Variants in SORBS2 observed in about 807,000 individuals in gnomAD.
SORBS2 encodes the protein sorbin and SH3 domain-containing protein 2.
A neutral mutation model predicts 97.7 loss-of-function variants in SORBS2; 46 were observed. The observed-to-expected ratio is 0.47, with a 90% CI of 0.37 to 0.60. SORBS2 has a LOEUF of 0.60. Ranked by LOEUF, SORBS2 falls within the 20% of genes least tolerant of loss-of-function variation. The probability of loss-of-function intolerance (pLI) is 0.00; values close to 1 mark genes in which losing one functional copy is unlikely to be tolerated. For missense variants in SORBS2, 1,316 were observed against 1,282.3 expected (o/e 1.03, Z -0.40); for synonymous variants, 476 against 473.4 (o/e 1.01, Z -0.07).
intron 4 of SORBS2, among the ~76,000 whole-genome samples, chr4:185,642,002 C>A (rs892219687): frequency 3.9e-5 from 6 of 152,144 alleles, no homozygotes; most frequent in Admixed American, 2.6e-4. Flanking sequence ...GCTTTCTATA[C>A]GTTGTTCTAA....
At chr4:185,659,710 C>T (rs780631495), upstream of SORBS2, among the ~76,000 whole-genome samples, 6 of 152,144 alleles carry the variant, frequency 3.9e-5, no homozygotes, top group South Asian at 2.1e-4. Context: ...CGTGAGCCAC[C>T]GCGCCCGGCT....
intron 1 of SORBS2, among the ~76,000 whole-genome samples, chr4:185,835,535 A>C (rs2099207551): frequency 6.6e-6 from 1 of 152,172 alleles, no homozygotes; most frequent in Admixed American, 6.5e-5. Context: ...GAACATTAGA[A>C]TGTGCTTACG....
chr4:185,759,198 A>G (rs189561523), intron 2 of SORBS2, among the ~76,000 whole-genome samples: 38 of 152,356 alleles, frequency 2.5e-4, no homozygotes, highest in African/African-American at 8.9e-4. Flanking sequence ...AGTATGACAG[A>G]GCCTGCAGAG....
chr4:185,646,301 T>G (rs545652704), intron 4 of SORBS2: 1 of 161,008 alleles, frequency 6.2e-6, no homozygotes, highest in South Asian at 2.0e-4. Context: ...TAAACTCTGA[T>G]TAATGATTAG....
intron 2 of SORBS2, among the ~76,000 whole-genome samples, chr4:185,763,434 C>T (rs900714339): frequency 3.9e-5 from 6 of 152,120 alleles, no homozygotes; most frequent in African/African-American, 1.4e-4. Context: ...AAGCCCCCGA[C>T]CCCCCACCTC....
At chr4:185,866,218 G>C (rs1320281333) in intron 1 of SORBS2, among the ~76,000 whole-genome samples, 1 of 152,208 alleles carries the variant, frequency 6.6e-6, no homozygotes, top group Admixed American at 6.5e-5. Flanking sequence ...GAGTACCAGT[G>C]CTGAGATTAA....
chr4:185,746,213 C>T (rs949246097), intron 2 of SORBS2, among the ~76,000 whole-genome samples: 6 of 152,258 alleles, frequency 3.9e-5, no homozygotes, highest in South Asian at 4.2e-4. Context: ...CAAAGTCCTC[C>T]GCGGACATCA....
At chr4:185,613,087 C>G (rs57520709) in intron 11 of SORBS2, among the ~76,000 whole-genome samples, 6,539 of 152,286 alleles carry the variant, frequency 0.043, 508 homozygotes, top group East Asian at 0.37. Flanking sequence ...CAAAACTACA[C>G]GTAGCCTAGA....
intron 7 of SORBS2, 109 bp downstream of exon 19, chr4:185,622,804 AC>A: frequency 8.8e-7 from 1 of 1,132,208 alleles, no homozygotes; most frequent in Middle Eastern, 2.1e-4. Flanking sequence ...ACACATAACG[AC>A]GCCAAATGGT....
intron 4 of SORBS2, among the ~76,000 whole-genome samples, chr4:185,634,308 G>A (rs1022100907): frequency 9.2e-5 from 14 of 152,174 alleles, no homozygotes; most frequent in African/African-American, 2.9e-4. Context: ...CAACACAACG[G>A]TTCTACTGGT....
chr4:185,655,545 C>A (rs1016234399), intron 1 of SORBS2, among the ~76,000 whole-genome samples: 1 of 152,164 alleles, frequency 6.6e-6, no homozygotes, highest in Admixed American at 6.5e-5. Context: ...CCAAGTAAGA[C>A]AACAATTGTG....
intron 2 of SORBS2, among the ~76,000 whole-genome samples, chr4:185,726,639 A>C (rs1160676027): frequency 6.6e-6 from 1 of 150,600 alleles, no homozygotes; most frequent in Non-Finnish European, 1.5e-5. Flanking sequence ...TATATATATA[A>C]TATATTTTGT....
chr4:185,827,198 TCA>T (rs2099200869), intron 1 of SORBS2, among the ~76,000 whole-genome samples: 1 of 57,868 alleles, frequency 1.7e-5, no homozygotes. Flanking sequence ...ATCATCATCA[TCA>T]TCACCATCAT....
intron 1 of SORBS2, among the ~76,000 whole-genome samples, chr4:185,931,157 TAAAC>T (rs1201584146): frequency 6.6e-6 from 1 of 152,128 alleles, no homozygotes; most frequent in Non-Finnish European, 1.5e-5. Context: ...ATTTTTATGC[TAAAC>T]AGAGAAGGAA....
chr4:185,891,043 G>T (rs2099242262), intron 1 of SORBS2, among the ~76,000 whole-genome samples: 1 of 152,240 alleles, frequency 6.6e-6, no homozygotes, highest in Non-Finnish European at 1.5e-5. Context: ...CGTCAGGACA[G>T]ACTGCCTCTG....
chr4:185,651,141 C>A (rs1437293245), intron 2 of SORBS2, among the ~76,000 whole-genome samples: 1 of 152,176 alleles, frequency 6.6e-6, no homozygotes, highest in Non-Finnish European at 1.5e-5. Flanking sequence ...TGGGCAGAAT[C>A]CCGAGGCAAC....
rs565273352 is a variant in SORBS2, at chr4:185,621,422, GT to G, written c.2216-1272del. Among the ~76,000 whole-genome samples, 632 of 152,110 alleles carry G rather than the reference GT, an allele frequency of 4.2e-3. 5 individuals are homozygous for G. The highest frequency in any genetic ancestry group is 6.5e-3 in the Non-Finnish European group (441 of 67,970). On this transcript the variant is annotated intron_variant, in intron 7 of 14. Coordinates refer to ENST00000418609, the Ensembl canonical transcript of SORBS2. Reference sequence around the variant, plus strand: ...GCATTTCAAAGCCCTTCCAAGTTACGTTTCAAAAATGTACTCCTATCTGCAC... The same window carrying G: ...GCATTTCAAAGCCCTTCCAAGTTACGTTCAAAAATGTACTCCTATCTGCAC...
At chr4:185,893,849 A>G (rs1447046854) in intron 1 of SORBS2, among the ~76,000 whole-genome samples, 1 of 152,158 alleles carries the variant, frequency 6.6e-6, no homozygotes, top group Non-Finnish European at 1.5e-5. Flanking sequence ...AGCTGCCCTC[A>G]GGAAGAGCAG....
At chr4:185,681,695 C>G (rs1561884867) in intron 2 of SORBS2, among the ~76,000 whole-genome samples, 1 of 152,152 alleles carries the variant, frequency 6.6e-6, no homozygotes, top group Non-Finnish European at 1.5e-5. Flanking sequence ...CTTACCAGCC[C>G]TTTTCCTTGT....
Sources: allele counts gnomAD v4.1 joint callset (sites outside exome capture counted in the v4.1 genomes callset), GRCh38; gene constraint gnomAD v4.1.1; transcripts MANE v1.5; gene names NCBI Gene and HGNC (gene_info 2026-07-23, HGNC 2026-07-21).